The following TET3 variants were observed in gnomAD, a reference collection of about 807,000 sequenced individuals.
TET3 encodes the protein tet methylcytosine dioxygenase 3.
TET3 carries 19 observed loss-of-function variants against 141.4 expected under a neutral mutation model. That is an observed-to-expected ratio of 0.13 (90% CI 0.09 to 0.20). The LOEUF is 0.20. Among genes scored for constraint, TET3 ranks in the 10% least tolerant of loss-of-function variants. The pLI is 1.00. For missense variants in TET3, 1,874 were observed against 2,356.9 expected (o/e 0.80, Z 4.24); for synonymous variants, 1,043 against 980.9 (o/e 1.06, Z -1.18).
chr2:74,093,531 G>A lies in TET3; in HGVS notation c.3132G>A (p.Val1044=). 6.2e-7 allele frequency: 1 copy of A among 1,607,250 alleles called. No homozygotes were observed. The highest frequency in any genetic ancestry group is 8.5e-7 in the Non-Finnish European group (1 of 1,176,032). The change falls in exon 10 of 12, where the codon GTG becomes GTA. Residue 1044 remains valine, a splice_region_variant and synonymous_variant. Coordinates refer to ENST00000409262, the MANE Select transcript of TET3 (RefSeq NM_001287491.2). The surrounding 1 kb of genome is among the most constrained non-coding windows in gnomAD (Gnocchi z 4.2). ...CCTCTCCTTGGCTGTCTACACAGGT[G>A]ACCAACGAGGAAATAGCGATTGACT... ...RLAPQAYQNQ[V]TNEEIAIDCR...
intron 3 of TET3, among the ~76,000 whole-genome samples, chr2:74,027,321 G>C (rs912908327): frequency 2.0e-5 from 3 of 149,948 alleles, no homozygotes; most frequent in African/African-American, 7.4e-5. Context: ...GGTAGAAGGT[G>C]GGTGATGAGA....
Position 74,100,749 on chromosome 2 carries a change from C to T in TET3, c.3961C>T (p.Leu1321Phe), listed in dbSNP as rs749599351. The T allele has an allele frequency of 4.3e-6, 7 of 1,613,680 alleles. No individual in the cohort carries two copies. Among genetic ancestry groups the T allele is most frequent in the Admixed American group, 1.7e-5 (1 of 59,968 alleles). ...SSGSFEKKPD[L>F]HALHNSLSPA... ...TGGCAGTTTTGAGAAGAAGCCAGAC[C>T]TCCACGCTCTGCACAACAGCCTGAG... The change falls in exon 12 of 12, where the codon CTC (leucine) becomes TTC (phenylalanine). Residue 1321 changes from leucine to phenylalanine, a missense_variant. By Grantham distance (22) the Leu-to-Phe change is conservative. Around this residue, in one of 10 missense-constraint regions of TET3, gnomAD observed 602 missense variants for 590.2 expected, o/e 1.02. Coordinates refer to ENST00000409262, the MANE Select transcript of TET3 (RefSeq NM_001287491.2).
chr2:73,993,959 AAGT>A (rs1266920753), intron 2 of TET3, among the ~76,000 whole-genome samples: 1 of 152,042 alleles, frequency 6.6e-6, no homozygotes, highest in African/African-American at 2.4e-5. Flanking sequence ...TCACAAGATG[AAGT>A]AGTAGGCGAG....
chr2:74,115,364 A>G, the TET3 span, among the ~76,000 whole-genome samples: 1 of 152,230 alleles, frequency 6.6e-6, no homozygotes, highest in Non-Finnish European at 1.5e-5. Context: ...GCAGGAGCTA[A>G]GCCACGGGAT....
rs1381035986 is a variant in TET3 at position 74,046,803 on chromosome 2, G to A, written c.886G>A (p.Glu296Lys). 2 of 1,613,258 alleles carry A rather than the reference G, an allele frequency of 1.2e-6. No individual in the cohort carries two copies. The highest frequency in any genetic ancestry group is 2.7e-5 in the African/African-American group (2 of 74,924). The part of the protein sequence containing the change: ...LEGKIKSVVM[E>K]GGEERPRLPG... ...GGGGAAGATCAAGTCTGTGGTCATG[G>A]AAGGAGGGGAGGAGCGGCCCAGGCT... is the stretch of plus-strand genomic sequence containing the variant. Residue 296 changes from glutamate (E) to lysine (K), a missense_variant, in exon 4 of 12, where the codon GAA becomes AAA. Glu to Lys is a moderately conservative substitution (Grantham distance 56, BLOSUM62 1). Around this residue, in one of 10 missense-constraint regions of TET3, gnomAD observed 366 missense variants for 487.0 expected, o/e 0.75. Coordinates refer to ENST00000409262, the MANE Select transcript of TET3 (RefSeq NM_001287491.2). This position sits in a 1 kb window ranked among gnomAD's most constrained non-coding sequence, Gnocchi z 4.3.
the TET3 span, among the ~76,000 whole-genome samples, chr2:74,116,044 C>T: frequency 1.4e-5 from 2 of 147,278 alleles, no homozygotes; most frequent in African/African-American, 2.5e-5. Flanking sequence ...GAGGGGGTGG[C>T]GGGGGAATAA....
intron 6 of TET3, among the ~76,000 whole-genome samples, chr2:74,086,616 C>T (rs1309293799): frequency 2.0e-5 from 3 of 151,974 alleles, no homozygotes; most frequent in Admixed American, 1.3e-4. Flanking sequence ...TAGTGAGACC[C>T]TGTCTCTTAA....
chr2:74,064,814 A>G (rs1168804795), intron 4 of TET3, among the ~76,000 whole-genome samples: 1 of 152,246 alleles, frequency 6.6e-6, no homozygotes, highest in Non-Finnish European at 1.5e-5. Context: ...AATAAATGGT[A>G]AATATGTCAC....
At chr2:74,131,729 T>C in the TET3 span, among the ~76,000 whole-genome samples, 2 of 152,130 alleles carry the variant, frequency 1.3e-5, no homozygotes, top group African/African-American at 4.8e-5. Flanking sequence ...AGAAGACCTC[T>C]CATGTGAACC....
At chr2:74,026,883 C>G (rs545327648) in intron 3 of TET3, among the ~76,000 whole-genome samples, 1 of 152,340 alleles carries the variant, frequency 6.6e-6, no homozygotes, top group South Asian at 2.1e-4. Context: ...TCTCTCTCTT[C>G]CCCAACCCAG....
intron 3 of TET3, among the ~76,000 whole-genome samples, chr2:74,023,350 C>T (rs913615460): frequency 6.6e-6 from 1 of 152,232 alleles, no homozygotes; most frequent in African/African-American, 2.4e-5. Flanking sequence ...ACAATCACTC[C>T]TCCTGCCTCA....
chr2:74,050,023 C>T (rs951549901), intron 4 of TET3, among the ~76,000 whole-genome samples: 2 of 152,104 alleles, frequency 1.3e-5, no homozygotes, highest in East Asian at 3.8e-4. Flanking sequence ...TTTCTCTGTG[C>T]GTGTATGTGT....
rs566167785 is a variant in TET3, at chr2:74,019,198, G to A, written c.360+16032G>A. On this transcript the variant is annotated intron_variant, in intron 3 of 11. Coordinates refer to ENST00000409262, the MANE Select transcript of TET3 (RefSeq NM_001287491.2). ...CTGTAGCCCAGGAGTTGGAGGCTGC[G>A]GTGAGCTATGATCTGGCCACTGCAC... 7.9e-5 allele frequency among the ~76,000 whole-genome samples: 12 copies of A among 152,308 alleles called. No homozygotes were observed. The East Asian group carries it at 2.1e-3, about 27-fold the overall frequency.
intron 10 of TET3, among the ~76,000 whole-genome samples, chr2:74,095,937 T>C (rs1168949345): frequency 2.0e-5 from 3 of 152,386 alleles, no homozygotes; most frequent in South Asian, 4.1e-4. Context: ...CTTTCATCTT[T>C]GCCTGCTGCC....
intron 3 of TET3, among the ~76,000 whole-genome samples, chr2:74,013,579 G>T (rs888782227): frequency 1.3e-5 from 2 of 152,014 alleles, no homozygotes; most frequent in African/African-American, 4.8e-5. Context: ...GGAGGCCGAG[G>T]TGGGTGGATC....
At position 73,995,196 on chromosome 2, in the gene TET3, G is replaced by A. The variant is rs1446614218; in HGVS notation, c.304-7914G>A. On this transcript the variant is annotated intron_variant, in intron 2 of 11. Transcript: ENST00000409262. ...TCTGATCTTGAACTCCTGACCTCAGGCGATCCGCCTACCTTGGCCTCCCAA... is the reference window on the plus strand; with the variant it reads ...TCTGATCTTGAACTCCTGACCTCAGACGATCCGCCTACCTTGGCCTCCCAA... Among the ~76,000 whole-genome samples, 7 of 152,330 alleles carry A rather than the reference G, an allele frequency of 4.6e-5. No homozygotes were observed. The South Asian group carries it at 1.5e-3, about 32-fold the overall frequency.
chr2:74,067,391 G>A (rs1688964024), intron 4 of TET3, among the ~76,000 whole-genome samples: 1 of 152,222 alleles, frequency 6.6e-6, no homozygotes, highest in South Asian at 2.1e-4. Flanking sequence ...CTGGACAACA[G>A]CTACCTGTTG....
intron 3 of TET3, among the ~76,000 whole-genome samples, chr2:74,041,480 G>T (rs1009708989): frequency 6.6e-6 from 1 of 152,168 alleles, no homozygotes; most frequent in Admixed American, 6.5e-5. Context: ...CTGTAGTCCT[G>T]TTCAGGTCAG....
At chr2:74,005,369 T>C (rs1685101032) in intron 3 of TET3, among the ~76,000 whole-genome samples, 3 of 152,206 alleles carry the variant, frequency 2.0e-5, no homozygotes, top group Admixed American at 2.0e-4. Context: ...TTGTTTTTAT[T>C]GTTCAGTTGT....
Sources: allele counts gnomAD v4.1 joint callset (sites outside exome capture counted in the v4.1 genomes callset), GRCh38; gene constraint gnomAD v4.1.1; regional missense constraint gnomAD v4.1.1; non-coding constraint Gnocchi (gnomAD v3.1); transcripts MANE v1.5; gene names NCBI Gene and HGNC (gene_info 2026-07-23, HGNC 2026-07-21).